THSD7B: variants seen among roughly 807,000 people sequenced by gnomAD.
THSD7B encodes thrombospondin type 1 domain containing 7B.
In THSD7B, 138 loss-of-function variants were observed where a neutral mutation model predicts 213.6. The observed-to-expected ratio is 0.65, with a 90% CI of 0.56 to 0.74. THSD7B has a LOEUF of 0.74. THSD7B is among the 30% of genes least tolerant of loss of function. The pLI, the probability that THSD7B is intolerant of heterozygous loss-of-function variation, is 0.00. For synonymous variants in THSD7B, 742 were observed against 687.0 expected, an observed-to-expected ratio of 1.08 and a Z score of -1.25; for missense variants, 1,931 against 1,991.5, an observed-to-expected ratio of 0.97 and a Z score of 0.58.
intron 2 of THSD7B, among the ~76,000 whole-genome samples, chr2:136,982,406 C>A (rs1314099835): frequency 6.6e-6 from 1 of 152,058 alleles, no homozygotes; most frequent in Admixed American, 6.6e-5. Flanking sequence ...ACAGGGGATC[C>A]TCCTATCTCG....
intron 5 of THSD7B, among the ~76,000 whole-genome samples, chr2:137,155,000 G>A (rs115926355): frequency 0.013 from 2,016 of 152,230 alleles, 37 homozygotes; most frequent in African/African-American, 0.046. Flanking sequence ...TGTGAGACAG[G>A]TCAGTTTAAT....
At chr2:137,660,521 C>G (rs1683322067) in intron 25 of THSD7B, among the ~76,000 whole-genome samples, 1 of 152,104 alleles carries the variant, frequency 6.6e-6, no homozygotes, top group Non-Finnish European at 1.5e-5. Flanking sequence ...GGTCAGCTTG[C>G]AGAGGGGAAT....
At position 137,546,365 on chromosome 2, in the gene THSD7B, TATATATATATAATA is replaced by T. The variant is rs1558834144; in HGVS notation, c.3139-16855_3139-16842del. On this transcript the variant is annotated intron_variant, in intron 15 of 27. Transcript: ENST00000409968. Reference sequence around the variant, plus strand: ...TTGAAGTCAGCATATATATATATTATATATATATATAATATATATATTATATATATTATATATAT... The same window carrying T: ...TTGAAGTCAGCATATATATATATTATTATATATTATATATATTATATATAT... Among the ~76,000 whole-genome samples, 25 of 43,528 alleles carry T rather than the reference TATATATATATAATA, an allele frequency of 5.7e-4. 3 individuals are homozygous for T. In the East Asian group the frequency reaches 0.012, roughly 21 times the overall value. 28.6% of individuals were successfully genotyped at this position (43,528 alleles called of 152,430 possible). A position where few individuals can be genotyped will look rare whatever the true frequency, so the allele number is the denominator to read the frequency against.
chr2:137,579,775 C>T (rs991728068), intron 17 of THSD7B, among the ~76,000 whole-genome samples: 1 of 152,176 alleles, frequency 6.6e-6, no homozygotes, highest in African/African-American at 2.4e-5. Flanking sequence ...TGTCAGTTAT[C>T]AGATAAGTTT....
intron 12 of THSD7B, among the ~76,000 whole-genome samples, chr2:137,352,447 G>A (rs1281796904): frequency 6.6e-6 from 1 of 152,016 alleles, no homozygotes; most frequent in Middle Eastern, 3.2e-3. Flanking sequence ...TTCAGTCTCT[G>A]TTGGGCCATC....
In THSD7B at chr2:137,390,898, T is replaced by C. The variant is rs180954513; in HGVS notation, c.2501-14715T>C. Among the ~76,000 whole-genome samples the C allele has an allele frequency of 5.9e-5, 9 of 152,238 alleles. No homozygotes were observed. In the East Asian group the frequency reaches 1.5e-3, roughly 26 times the overall value. On this transcript the variant is annotated intron_variant, in intron 12 of 27. Transcript: ENST00000409968. ...AAGAAACCCACTTGATCATGGTGTATTTTTTGATGTGATGTTGGATTTCAT... is the reference window on the plus strand; with the variant it reads ...AAGAAACCCACTTGATCATGGTGTACTTTTTGATGTGATGTTGGATTTCAT...
chr2:137,202,514 A>G (rs1331282129), intron 7 of THSD7B, among the ~76,000 whole-genome samples: 1 of 152,192 alleles, frequency 6.6e-6, no homozygotes, highest in Non-Finnish European at 1.5e-5. Context: ...CAGAGCAGTT[A>G]CAGAACAGGT....
At chr2:137,593,626 T>C (rs901054458) in intron 17 of THSD7B, among the ~76,000 whole-genome samples, 2 of 151,986 alleles carry the variant, frequency 1.3e-5, no homozygotes, top group South Asian at 4.1e-4. Context: ...AATTTAACTA[T>C]TTTTATTATT....
Position 136,981,151 on chromosome 2 carries a change from T to C in THSD7B, c.140-75269T>C, listed in dbSNP as rs142933015. On this transcript the variant is annotated intron_variant, in intron 2 of 27. Coordinates refer to ENST00000409968, the MANE Select transcript of THSD7B (RefSeq NM_001316349.2). ...TGTAAAAGAGTGAATGTAACTTTCT[T>C]AGGTAAAATGTACTGATAAATTAAC... Among the ~76,000 whole-genome samples the C allele has an allele frequency of 5.1e-3, 774 of 152,304 alleles. 9 individuals carry two copies. Among genetic ancestry groups the C allele is most frequent in the African/African-American group, 0.018 (732 of 41,566 alleles).
At chr2:136,846,296 A>C (rs773463213) in intron 1 of THSD7B, among the ~76,000 whole-genome samples, 2 of 152,126 alleles carry the variant, frequency 1.3e-5, no homozygotes, top group Non-Finnish European at 2.9e-5. Context: ...TGGGTAACTA[A>C]GGAGACACCA....
rs1157190107 is a variant in THSD7B at position 137,664,387 on chromosome 2, TTTC to T, written c.4651+815_4651+817del. Among the ~76,000 whole-genome samples, 4 of 152,288 alleles carry T rather than the reference TTTC, an allele frequency of 2.6e-5. No homozygotes were observed. In the East Asian group the frequency reaches 7.7e-4, roughly 29 times the overall value. Reference sequence around the variant, plus strand: ...ACACCTGTTTTGTGATTATGTATAGTTTCTTAACTTCTCTGGACCTCAGTTTTC... The same window carrying T: ...ACACCTGTTTTGTGATTATGTATAGTTTAACTTCTCTGGACCTCAGTTTTC... On this transcript the variant is annotated intron_variant, in intron 26 of 27. Coordinates refer to ENST00000409968, the MANE Select transcript of THSD7B (RefSeq NM_001316349.2).
At chr2:137,593,445 T>C (rs1681902564) in intron 17 of THSD7B, among the ~76,000 whole-genome samples, 1 of 151,994 alleles carries the variant, frequency 6.6e-6, no homozygotes, top group Non-Finnish European at 1.5e-5. Flanking sequence ...TCCATGTTTT[T>C]TTCTTGTTTA....
At chr2:137,202,533 G>A (rs528061757) in intron 7 of THSD7B, among the ~76,000 whole-genome samples, 1 of 152,272 alleles carries the variant, frequency 6.6e-6, no homozygotes, top group East Asian at 1.9e-4. Context: ...GTTCTCCCAG[G>A]AGCAGCAGTA....
At chr2:136,884,507 C>G (rs1013523805) in intron 2 of THSD7B, among the ~76,000 whole-genome samples, 4 of 152,140 alleles carry the variant, frequency 2.6e-5, no homozygotes, top group African/African-American at 9.7e-5. Context: ...TGAATTCAAC[C>G]AAAAACCACA....
At chr2:137,021,988 T>C (rs1478729727) in intron 2 of THSD7B, among the ~76,000 whole-genome samples, 1 of 152,172 alleles carries the variant, frequency 6.6e-6, no homozygotes, top group African/African-American at 2.4e-5. Flanking sequence ...ATTTGAATTG[T>C]TAAGATTTCT....
chr2:137,203,727 T>G lies in THSD7B; in HGVS notation c.1724-27317T>G, dbSNP rs141231054. 2.0e-3 allele frequency among the ~76,000 whole-genome samples: 297 copies of G among 152,262 alleles called. 3 individuals carry two copies. The highest frequency in any genetic ancestry group is 1.8e-3 in the Non-Finnish European group (119 of 68,000). On this transcript the variant is annotated intron_variant, in intron 7 of 27. Transcript: ENST00000409968. The stretch of plus-strand genomic sequence containing the variant: ...TGAAGGGTGTGTTTGTGTATGTGTG[T>G]GTGTATGAAATGTAGAATCTATTTA...
At chr2:137,369,550 G>A (rs965166931) in intron 12 of THSD7B, among the ~76,000 whole-genome samples, 5 of 152,140 alleles carry the variant, frequency 3.3e-5, no homozygotes, top group Non-Finnish European at 5.9e-5. Context: ...GGGGTTGAGT[G>A]TGCTAAAAGA....
intron 1 of THSD7B, among the ~76,000 whole-genome samples, chr2:136,834,441 A>G (rs1682813423): frequency 6.6e-6 from 1 of 152,192 alleles, no homozygotes; most frequent in Non-Finnish European, 1.5e-5. Context: ...TATGCCATAT[A>G]TCTAGGTAAA....
intron 12 of THSD7B, among the ~76,000 whole-genome samples, chr2:137,354,845 A>G (rs1235944061): frequency 1.3e-5 from 2 of 151,104 alleles, no homozygotes; most frequent in East Asian, 3.9e-4. Context: ...TTTTTTTTCT[A>G]AGTCTTGATC....
Sources: gnomAD v4.1 joint callset for allele counts (sites outside exome capture counted in the v4.1 genomes callset) on GRCh38, gnomAD v4.1.1 for gene constraint, MANE v1.5 for transcripts, NCBI Gene and HGNC (gene_info 2026-07-23, HGNC 2026-07-21) for gene names.